Variants in NRG1 observed in about 807,000 individuals in gnomAD.
NRG1 encodes the protein pro-neuregulin-1, membrane-bound isoform.
In NRG1, 18 loss-of-function variants were observed where a neutral mutation model predicts 63.8. That is an observed-to-expected ratio of 0.28 (90% CI 0.19 to 0.42). The LOEUF (loss-of-function observed/expected upper bound fraction) is 0.42, where lower values mean the gene tolerates loss of function less well. Ranked by LOEUF, NRG1 falls within the 10% of genes least tolerant of loss-of-function variation. NRG1 has a pLI of 1.00. For missense variants in NRG1, 762 were observed against 814.7 expected (o/e 0.94, Z 0.79); for synonymous variants, 302 against 301.3 (o/e 1.00, Z -0.02).
chr8:32,345,891 C>T (rs965035913), intron 1 of NRG1, among the ~76,000 whole-genome samples: 3 of 151,664 alleles, frequency 2.0e-5, no homozygotes, highest in East Asian at 1.9e-4. Context: ...GCCTGTAATC[C>T]CAGGTAGTTG....
intron 1 of NRG1, among the ~76,000 whole-genome samples, chr8:31,978,043 T>C (rs327420): frequency 0.031 from 4,741 of 152,202 alleles, 224 homozygotes; most frequent in African/African-American, 0.11. Flanking sequence ...TTGTTGAATA[T>C]ATCAACACAA....
intron 1 of NRG1, among the ~76,000 whole-genome samples, chr8:32,038,904 T>C (rs1819497529): frequency 6.6e-6 from 1 of 152,114 alleles, no homozygotes; most frequent in African/African-American, 2.4e-5. Flanking sequence ...GTGCCTGTTT[T>C]TTCTGTTGTG....
intron 1 of NRG1, among the ~76,000 whole-genome samples, chr8:32,454,345 A>T (rs1377353849): frequency 6.6e-6 from 1 of 152,180 alleles, no homozygotes; most frequent in East Asian, 1.9e-4. Context: ...TTCTAAAAAC[A>T]GTATAATAGG....
chr8:31,872,827 C>T (rs1014984112), intron 1 of NRG1, among the ~76,000 whole-genome samples: 1 of 152,212 alleles, frequency 6.6e-6, no homozygotes, highest in Non-Finnish European at 1.5e-5. Context: ...GTTAACACTT[C>T]TCATTGGTTG....
chr8:31,979,572 C>T (rs1430794398), intron 1 of NRG1, among the ~76,000 whole-genome samples: 3 of 151,978 alleles, frequency 2.0e-5, no homozygotes, highest in Admixed American at 1.3e-4. Context: ...ATTATTTAGG[C>T]AGTGGTTTCT....
intron 1 of NRG1, among the ~76,000 whole-genome samples, chr8:32,365,734 G>C (rs1807882807): frequency 2.6e-5 from 4 of 152,194 alleles, no homozygotes; most frequent in Admixed American, 2.6e-4. Flanking sequence ...GGGCATAACT[G>C]TGATCCGGTA....
chr8:32,065,286 T>C (rs1256438060), intron 1 of NRG1, among the ~76,000 whole-genome samples: 1 of 152,122 alleles, frequency 6.6e-6, no homozygotes, highest in Non-Finnish European at 1.5e-5. Context: ...ATGTGCCATG[T>C]TGGTGTGCTG....
intron 1 of NRG1, among the ~76,000 whole-genome samples, chr8:32,355,404 A>G (rs11783991): frequency 0.29 from 43,831 of 151,960 alleles, 6,557 homozygotes; most frequent in South Asian, 0.35. Context: ...GGTTGCACCG[A>G]TCTGAGATTG....
At chr8:31,984,628 C>T (rs1809733414) in intron 1 of NRG1, among the ~76,000 whole-genome samples, 1 of 152,112 alleles carries the variant, frequency 6.6e-6, no homozygotes. Flanking sequence ...CTGCATGATG[C>T]CTGTGCCCTG....
intron 1 of NRG1, among the ~76,000 whole-genome samples, chr8:31,925,707 T>C (rs757279612): frequency 1.7e-5 from 1 of 57,720 alleles, no homozygotes; most frequent in Non-Finnish European, 7.3e-5. Context: ...TTCTTATTAA[T>C]TAATCTTCTT....
intron 1 of NRG1, among the ~76,000 whole-genome samples, chr8:32,299,987 G>A (rs947695390): frequency 6.6e-6 from 1 of 151,878 alleles, no homozygotes; most frequent in African/African-American, 2.4e-5. Flanking sequence ...GGTTCAGATT[G>A]AATCATTTTG....
intron 1 of NRG1, among the ~76,000 whole-genome samples, chr8:32,217,248 T>C (rs1845341698): frequency 1.4e-5 from 2 of 145,726 alleles, no homozygotes; most frequent in South Asian, 2.2e-4. Context: ...AAAAAAATAC[T>C]TGGTGCACTT....
chr8:32,238,605 G>T (rs181466091), intron 1 of NRG1, among the ~76,000 whole-genome samples: 1 of 152,192 alleles, frequency 6.6e-6, no homozygotes, highest in East Asian at 1.9e-4. Flanking sequence ...ATAGTCTTCA[G>T]GGCAGCAGTA....
Position 32,034,477 on chromosome 8 carries a change from G to A in NRG1, c.37+395046G>A, listed in dbSNP as rs117510854. ...ATGCTGCCCTCATGAAATGAGTTAG[G>A]GAGGAGTCCCTCTTTCAATTGTTTG... On this transcript the variant is annotated intron_variant, in intron 1 of 10. Transcript: ENST00000519301. 9.7e-3 allele frequency among the ~76,000 whole-genome samples: 1,476 copies of A among 152,224 alleles called. 30 individuals are homozygous for A. The highest frequency in any genetic ancestry group is 0.085 in the South Asian group (409 of 4,822).
intron 1 of NRG1, among the ~76,000 whole-genome samples, chr8:31,837,912 C>T (rs1181650577): frequency 4.6e-5 from 7 of 151,962 alleles, no homozygotes; most frequent in Admixed American, 3.9e-4. Flanking sequence ...TTCTGTATTT[C>T]ACTATTGAAA....
At chr8:32,522,644 C>T (rs1398083550) in intron 1 of NRG1, among the ~76,000 whole-genome samples, 2 of 152,168 alleles carry the variant, frequency 1.3e-5, no homozygotes, top group Non-Finnish European at 1.5e-5. Context: ...CTTGATTCAA[C>T]AATTTTCTCT....
chr8:31,713,553 C>T (rs969857185), intron 1 of NRG1, among the ~76,000 whole-genome samples: 31 of 152,196 alleles, frequency 2.0e-4, no homozygotes, highest in Non-Finnish European at 1.3e-4. Context: ...TAACCTCACT[C>T]TTCACTTCAT....
At chr8:32,573,561 C>T (rs1162479546) in intron 1 of NRG1, among the ~76,000 whole-genome samples, 1 of 152,124 alleles carries the variant, frequency 6.6e-6, no homozygotes, top group Non-Finnish European at 1.5e-5. Flanking sequence ...GTTCTCCAGC[C>T]AGTTCTGTCT....
At chr8:31,691,102 A>G (rs1809455194) in intron 1 of NRG1, among the ~76,000 whole-genome samples, 1 of 152,154 alleles carries the variant, frequency 6.6e-6, no homozygotes, top group African/African-American at 2.4e-5. Context: ...CCAACCAAAG[A>G]GAGTAAGCTG....
Sources: allele counts gnomAD v4.1 joint callset (sites outside exome capture counted in the v4.1 genomes callset), GRCh38; gene constraint gnomAD v4.1.1; transcripts MANE v1.5; gene names NCBI Gene and HGNC (gene_info 2026-07-23, HGNC 2026-07-21).